ADAMTSL1: variants seen among roughly 807,000 people sequenced by gnomAD.
The protein encoded by ADAMTSL1 is ADAMTS-like protein 1.
In ADAMTSL1, 126 loss-of-function variants were observed where a neutral mutation model predicts 201.8. The observed-to-expected ratio is 0.62, with a 90% CI of 0.54 to 0.72. ADAMTSL1 has a LOEUF of 0.72. Ranked by LOEUF, ADAMTSL1 falls within the 30% of genes least tolerant of loss-of-function variation. The pLI is 0.00. For missense variants in ADAMTSL1, 2,679 were observed against 2,277.8 expected (o/e 1.18, Z -3.59); for synonymous variants, 1,121 against 903.4 (o/e 1.24, Z -4.32).
intron 2 of ADAMTSL1, among the ~76,000 whole-genome samples, chr9:18,182,275 A>T (rs190689105): frequency 3.4e-4 from 51 of 151,990 alleles, no homozygotes; most frequent in African/African-American, 1.2e-3. Context: ...GTACCCTAAA[A>T]CTTAAAGTAT....
intron 1 of ADAMTSL1, among the ~76,000 whole-genome samples, chr9:18,161,088 T>C (rs1040374830): frequency 2.2e-4 from 33 of 152,068 alleles, no homozygotes; most frequent in African/African-American, 4.1e-4. Context: ...ATGAGACTTA[T>C]AAAATGTGAG....
intron 21 of ADAMTSL1, 196 bp from the exon 22 acceptor site, chr9:18,826,088 C>G: frequency 1.6e-6 from 1 of 640,690 alleles, no homozygotes; most frequent in Middle Eastern, 2.7e-4. Context: ...TATTCTGATT[C>G]TTTGGTCACC....
At chr9:17,983,912 C>G (rs1002406887) in intron 1 of ADAMTSL1, among the ~76,000 whole-genome samples, 1 of 151,956 alleles carries the variant, frequency 6.6e-6, no homozygotes, top group Non-Finnish European at 1.5e-5. Context: ...AAATGTTAAT[C>G]AAATCCTCCC....
At chr9:18,773,368 C>T (rs1820800988) in intron 17 of ADAMTSL1, among the ~76,000 whole-genome samples, 1 of 151,922 alleles carries the variant, frequency 6.6e-6, no homozygotes, top group South Asian at 2.1e-4. Flanking sequence ...TTTTTAAATC[C>T]TATTTTATGG....
intron 2 of ADAMTSL1, among the ~76,000 whole-genome samples, chr9:18,233,831 G>T (rs1407798837): frequency 1.3e-5 from 2 of 152,182 alleles, no homozygotes; most frequent in South Asian, 2.1e-4. Context: ...AGAAAGGTTT[G>T]TGTGGCCCTG....
rs952281024 is a variant in ADAMTSL1, at chr9:18,474,354, G to C, written c.63+59G>C. 18 of 1,543,144 alleles carry C rather than the reference G, an allele frequency of 1.2e-5. No individual in the cohort carries two copies. The African/African-American group carries it at 2.1e-4, about 18-fold the overall frequency. ...GCCATTGAGTCTGGGTGCTGTTGGG[G>C]GTGTGTGTGTGTATGTGTGTTTGTG... On this transcript the variant is annotated intron_variant, in intron 1 of 28. Coordinates refer to ENST00000380548, the MANE Select transcript of ADAMTSL1 (RefSeq NM_001040272.6).
At chr9:18,178,985 G>A (rs2132164629) in intron 2 of ADAMTSL1, among the ~76,000 whole-genome samples, 1 of 152,350 alleles carries the variant, frequency 6.6e-6, no homozygotes, top group African/African-American at 2.4e-5. Flanking sequence ...CTCCTCCAAA[G>A]GAACGCAGTT....
intron 23 of ADAMTSL1, among the ~76,000 whole-genome samples, chr9:18,853,686 G>A (rs1416328861): frequency 6.6e-6 from 1 of 152,200 alleles, no homozygotes; most frequent in Non-Finnish European, 1.5e-5. Flanking sequence ...CCTGGCCCAA[G>A]CCCAAGACTG....
chr9:18,810,723 A>T (rs1306271606), intron 20 of ADAMTSL1, among the ~76,000 whole-genome samples: 1 of 152,154 alleles, frequency 6.6e-6, no homozygotes, highest in African/African-American at 2.4e-5. Context: ...GAAGTTCTGT[A>T]TTTTATTCCC....
At chr9:18,763,662 T>C (rs1238177178) in intron 16 of ADAMTSL1, among the ~76,000 whole-genome samples, 1 of 152,188 alleles carries the variant, frequency 6.6e-6, no homozygotes. Flanking sequence ...AATTTTTGTA[T>C]ATGGCAAGAG....
At chr9:18,279,358 T>C (rs1832699736) in intron 2 of ADAMTSL1, among the ~76,000 whole-genome samples, 1 of 152,110 alleles carries the variant, frequency 6.6e-6, no homozygotes, top group Non-Finnish European at 1.5e-5. Flanking sequence ...TTAAAATGTG[T>C]TGTTCAAGGA....
intron 3 of ADAMTSL1, among the ~76,000 whole-genome samples, chr9:18,545,838 T>C (rs1485925785): frequency 6.6e-5 from 10 of 152,174 alleles, no homozygotes; most frequent in Non-Finnish European, 1.5e-4. Context: ...TGAAACCAAA[T>C]AAGCTGCCAT....
chr9:18,063,904 G>A (rs1032091244), intron 1 of ADAMTSL1, among the ~76,000 whole-genome samples: 5 of 152,074 alleles, frequency 3.3e-5, no homozygotes, highest in African/African-American at 1.2e-4. Flanking sequence ...TGGGTGTTCT[G>A]CACCAGAGCC....
Position 18,585,004 on chromosome 9 carries a change from C to T in ADAMTSL1, c.474+10738C>T, listed in dbSNP as rs150760614. Among the ~76,000 whole-genome samples the T allele has an allele frequency of 3.9e-3, 597 of 152,278 alleles. 9 individuals carry two copies. The highest frequency in any genetic ancestry group is 0.013 in the African/African-American group (558 of 41,538). ...TCTATATTTCTATCAACTGTCTCTT[C>T]GATCTAGGTTTTTTTCTATGAAGCA... On this transcript the variant is annotated intron_variant, in intron 4 of 28. Coordinates refer to ENST00000380548, the MANE Select transcript of ADAMTSL1 (RefSeq NM_001040272.6).
intron 4 of ADAMTSL1, among the ~76,000 whole-genome samples, chr9:18,600,394 C>G (rs1169039629): frequency 6.6e-6 from 1 of 152,146 alleles, no homozygotes; most frequent in East Asian, 1.9e-4. Flanking sequence ...TTGTGAGTGA[C>G]TGAATTAGGA....
At chr9:18,698,353 G>A (rs1030120448) in intron 13 of ADAMTSL1, among the ~76,000 whole-genome samples, 15 of 151,978 alleles carry the variant, frequency 9.9e-5, no homozygotes, top group Non-Finnish European at 2.9e-5. Flanking sequence ...TGATGATCTC[G>A]GCTCACTGCA....
At chr9:18,032,441 G>A (rs181995412) in intron 1 of ADAMTSL1, among the ~76,000 whole-genome samples, 1 of 152,150 alleles carries the variant, frequency 6.6e-6, no homozygotes, top group Non-Finnish European at 1.5e-5. Context: ...CATCCGGGTG[G>A]GGCAGTGGAG....
chr9:18,357,251 T>G (rs1439194443), intron 2 of ADAMTSL1, among the ~76,000 whole-genome samples: 1 of 151,958 alleles, frequency 6.6e-6, no homozygotes, highest in Non-Finnish European at 1.5e-5. Context: ...AAGCAAAGTA[T>G]TTTTTTTCAA....
chr9:18,803,549 T>C (rs1026573803), intron 20 of ADAMTSL1, among the ~76,000 whole-genome samples: 11 of 152,238 alleles, frequency 7.2e-5, no homozygotes, highest in Non-Finnish European at 1.3e-4. Context: ...AAGGTCATTA[T>C]TCCGCCCACC....
Sources: allele counts gnomAD v4.1 joint callset (sites outside exome capture counted in the v4.1 genomes callset), GRCh38; gene constraint gnomAD v4.1.1; transcripts MANE v1.5; gene names NCBI Gene and HGNC (gene_info 2026-07-23, HGNC 2026-07-21).